The following RAPGEF1 variants were observed in gnomAD, a reference collection of about 807,000 sequenced individuals.
RAPGEF1 encodes the protein Rap guanine nucleotide exchange factor 1, also known as CRK SH3-binding GNRP.
In RAPGEF1, 33 loss-of-function variants were observed where a neutral mutation model predicts 143.3. The ratio of observed to expected loss-of-function variants is 0.23; its 90% CI spans 0.17 to 0.31. RAPGEF1 has a LOEUF of 0.31. Among genes scored for constraint, RAPGEF1 ranks in the 10% least tolerant of loss-of-function variants. The probability of loss-of-function intolerance (pLI) is 1.00; values close to 1 mark genes in which losing one functional copy is unlikely to be tolerated. For synonymous variants in RAPGEF1, 629 were observed against 676.5 expected (o/e 0.93, Z 1.09); for missense variants, 1,199 against 1,645.4 (o/e 0.73, Z 4.69).
At chr9:131,726,117 C>G (rs923393761) in intron 1 of RAPGEF1, among the ~76,000 whole-genome samples, 4 of 151,978 alleles carry the variant, frequency 2.6e-5, no homozygotes, top group African/African-American at 9.7e-5. Context: ...AGCAAACAGA[C>G]AGATAGTCAG....
At chr9:131,595,697 T>TC (rs1324840508) in intron 17 of RAPGEF1, among the ~76,000 whole-genome samples, 52 of 69,432 alleles carry the variant, frequency 7.5e-4, no homozygotes, top group African/African-American at 2.6e-3. Context: ...GGGAATGACT[T>TC]TGCTAGCAGA....
intron 12 of RAPGEF1, among the ~76,000 whole-genome samples, chr9:131,610,662 CT>C (rs1181637197): frequency 6.6e-6 from 1 of 152,184 alleles, no homozygotes; most frequent in Admixed American, 6.5e-5. Context: ...TCTGGGCTTC[CT>C]TCCTCAGCGG....
At chr9:131,627,249 T>C (rs1439174180) in intron 9 of RAPGEF1, among the ~76,000 whole-genome samples, 2 of 142,702 alleles carry the variant, frequency 1.4e-5, no homozygotes, top group South Asian at 2.3e-4. Context: ...AAAGAAACAA[T>C]TGAGAATACT....
chr9:131,594,225 G>A (rs375826830), intron 17 of RAPGEF1, among the ~76,000 whole-genome samples: 6 of 152,214 alleles, frequency 3.9e-5, no homozygotes, highest in South Asian at 4.1e-4. Context: ...CAGGACTCTC[G>A]ATGCGGTCCT....
At position 131,643,489 on chromosome 9, in the gene RAPGEF1, A is replaced by G. The variant is rs971881765; in HGVS notation, c.316-72T>C. Reference sequence around the variant, plus strand: ...AGCTATTTTGAAAAAATAAAGGAACATTTTCTTTAAACCAGCTTGAGATCG... The same window carrying G: ...AGCTATTTTGAAAAAATAAAGGAACGTTTTCTTTAAACCAGCTTGAGATCG... On this transcript the variant is annotated intron_variant, in intron 3 of 26. Transcript: ENST00000683357. 7 of 1,405,444 alleles carry G rather than the reference A, an allele frequency of 5.0e-6. No individual in the cohort carries two copies. In the African/African-American group the frequency reaches 8.7e-5, roughly 17 times the overall value. The allele number at this position is 1,405,444 out of a possible 1,614,324, so 87.1% of individuals were successfully genotyped here.
intron 1 of RAPGEF1, among the ~76,000 whole-genome samples, chr9:131,669,108 C>T (rs1830923878): frequency 6.6e-6 from 1 of 152,194 alleles, no homozygotes; most frequent in African/African-American, 2.4e-5. Context: ...GTGATGGAGC[C>T]CCATGGGCCT....
At chr9:131,684,198 T>C (rs1343611287) in intron 1 of RAPGEF1, among the ~76,000 whole-genome samples, 2 of 152,248 alleles carry the variant, frequency 1.3e-5, no homozygotes, top group Non-Finnish European at 2.9e-5. Context: ...TAACTGTCTT[T>C]GGCAAATGGA....
chr9:131,600,329 C>T (rs1268237787), intron 15 of RAPGEF1, among the ~76,000 whole-genome samples: 1 of 152,192 alleles, frequency 6.6e-6, no homozygotes, highest in East Asian at 1.9e-4. Context: ...GAAGACGATA[C>T]TTTGGGGTCC....
At chr9:131,734,852 C>T (rs877373) in intron 1 of RAPGEF1, among the ~76,000 whole-genome samples, 41,176 of 152,008 alleles carry the variant, frequency 0.27, 5,630 homozygotes, top group Non-Finnish European at 0.29. Flanking sequence ...CATTTGAAAC[C>T]GTAGCACACT....
intron 1 of RAPGEF1, among the ~76,000 whole-genome samples, chr9:131,666,405 CAG>C (rs1470937742): frequency 6.6e-6 from 1 of 151,150 alleles, no homozygotes; most frequent in African/African-American, 2.4e-5. Flanking sequence ...TTTTTTGAGA[CAG>C]AGTCTCACTT....
At chr9:131,737,717 C>A (rs977195991) in intron 1 of RAPGEF1, among the ~76,000 whole-genome samples, 1 of 152,100 alleles carries the variant, frequency 6.6e-6, no homozygotes, top group Non-Finnish European at 1.5e-5. Flanking sequence ...GTAATCCCAA[C>A]ACTTTGGGAG....
At position 131,577,948 on chromosome 9, in the gene RAPGEF1, A is replaced by T. The variant is rs1194744597; in HGVS notation, c.*1549T>A. The T allele has an allele frequency of 6.6e-6, 1 of 152,242 alleles. No homozygotes were observed. The highest frequency in any genetic ancestry group is 1.5e-5 in the Non-Finnish European group (1 of 68,044). The allele number at this position is 152,242 out of a possible 1,614,324, so 9.4% of individuals were successfully genotyped here. A position where few individuals can be genotyped will look rare whatever the true frequency, so the allele number is the denominator to read the frequency against. On this transcript the variant is annotated 3_prime_UTR_variant, in exon 27 of 27. Transcript: ENST00000683357. ...GTTCAAAAACCCATGAAGGACTCAA[A>T]GTGACATGGTGGTTTAAAAAAAAAC...
chr9:131,638,064 A>G (rs1966828621), intron 5 of RAPGEF1, among the ~76,000 whole-genome samples: 1 of 152,128 alleles, frequency 6.6e-6, no homozygotes, highest in Admixed American at 6.5e-5. Flanking sequence ...TATTTTCTCT[A>G]TTAGGATTTG....
chr9:131,595,940 G>T (rs1451186027), intron 17 of RAPGEF1, among the ~76,000 whole-genome samples: 1 of 152,204 alleles, frequency 6.6e-6, no homozygotes, highest in Non-Finnish European at 1.5e-5. Context: ...CAGCAGTCAG[G>T]AAAGGAATCA....
chr9:131,682,336 C>G (rs974611375), intron 1 of RAPGEF1, among the ~76,000 whole-genome samples: 5 of 152,232 alleles, frequency 3.3e-5, no homozygotes, highest in African/African-American at 9.6e-5. Context: ...GGGCCCGTCC[C>G]GGGCCCCGTT....
intron 1 of RAPGEF1, among the ~76,000 whole-genome samples, chr9:131,662,503 G>T (rs778774539): frequency 1.4e-4 from 21 of 151,890 alleles, no homozygotes; most frequent in Admixed American, 5.9e-4. Flanking sequence ...GAGGAGCTGG[G>T]ACTACAGGCA....
At chr9:131,588,177 C>G (rs560121046) in intron 20 of RAPGEF1, among the ~76,000 whole-genome samples, 151 bp from the exon 21 acceptor site, 6 of 152,232 alleles carry the variant, frequency 3.9e-5, no homozygotes, top group Non-Finnish European at 8.8e-5. Flanking sequence ...CAAAAGGCTC[C>G]CTGGGGCCCT....
intron 12 of RAPGEF1, among the ~76,000 whole-genome samples, chr9:131,613,327 T>C (rs1588446469): frequency 1.3e-5 from 2 of 151,862 alleles, no homozygotes; most frequent in East Asian, 3.9e-4. Flanking sequence ...GCAGTGGAGG[T>C]GTGCAGGGGA....
At chr9:131,648,664 A>G (rs1413851654) in intron 3 of RAPGEF1, among the ~76,000 whole-genome samples, 2 of 152,220 alleles carry the variant, frequency 1.3e-5, no homozygotes, top group African/African-American at 4.8e-5. Context: ...CTCTTCTTCA[A>G]TCTGGAATTT....
Sources: gnomAD v4.1 joint callset for allele counts (sites outside exome capture counted in the v4.1 genomes callset) on GRCh38, gnomAD v4.1.1 for gene constraint, MANE v1.5 for transcripts, NCBI Gene and HGNC (gene_info 2026-07-23, HGNC 2026-07-21) for gene names.